The following NXPE2 variants were observed in gnomAD, a reference collection of about 807,000 sequenced individuals.
NXPE2 encodes neurexophilin and PC-esterase domain family member 2.
A neutral mutation model predicts 34.4 loss-of-function variants in NXPE2; 34 were observed. The observed-to-expected ratio is 0.99, with a 90% CI of 0.75 to 1.31. The LOEUF is 1.31. Ranked by LOEUF, NXPE2 falls within the 40% of genes most tolerant of loss-of-function variation. The probability of loss-of-function intolerance (pLI) is 0.00; values close to 1 mark genes in which losing one functional copy is unlikely to be tolerated. For missense variants in NXPE2, 649 were observed against 672.5 expected, an observed-to-expected ratio of 0.97 and a Z score of 0.39; for synonymous variants, 235 against 231.3, an observed-to-expected ratio of 1.02 and a Z score of -0.15.
At chr11:114,758,815 TTATATTTTCTATA>T in the NXPE2 span, among the ~76,000 whole-genome samples, 179 of 148,420 alleles carry the variant, frequency 1.2e-3, no homozygotes, top group African/African-American at 4.0e-3. Context: ...TATATATAAT[TTATATTTTCTATA>T]TATATTTTCT....
At chr11:114,690,575 G>C (rs1951131168) in intron 2 of NXPE2, among the ~76,000 whole-genome samples, 1 of 151,998 alleles carries the variant, frequency 6.6e-6, no homozygotes, top group African/African-American at 2.4e-5. Flanking sequence ...TGTGTGCCTT[G>C]GGGATGGGTT....
chr11:114,735,607 A>G, the NXPE2 span, among the ~76,000 whole-genome samples: 1 of 152,220 alleles, frequency 6.6e-6, no homozygotes, highest in African/African-American at 2.4e-5. Flanking sequence ...ATTAGGTGGT[A>G]TCGTCAGATA....
At chr11:114,607,185 G>C in the NXPE2 span, among the ~76,000 whole-genome samples, 2 of 151,824 alleles carry the variant, frequency 1.3e-5, no homozygotes, top group Non-Finnish European at 2.9e-5. Flanking sequence ...TGCATCGTGG[G>C]TGACAATTCT....
chr11:114,488,765 A>C, the NXPE2 span, among the ~76,000 whole-genome samples: 2 of 152,120 alleles, frequency 1.3e-5, no homozygotes, highest in African/African-American at 4.8e-5. Flanking sequence ...AGGAAAGATG[A>C]AAAATTGACA....
the NXPE2 span, chr11:114,580,350 T>C: frequency 1.2e-5 from 20 of 1,610,762 alleles, no homozygotes; most frequent in Non-Finnish European, 1.7e-5. Flanking sequence ...TGCCAAAGAA[T>C]CAATGAGATA....
chr11:114,696,298 A>G (rs1236124422), intron 2 of NXPE2, among the ~76,000 whole-genome samples: 5 of 149,268 alleles, frequency 3.3e-5, no homozygotes, highest in Non-Finnish European at 7.4e-5. Context: ...TGCCACTGCA[A>G]TCCAGCCTAG....
the NXPE2 span, among the ~76,000 whole-genome samples, chr11:114,738,012 G>A: frequency 3.9e-5 from 6 of 152,236 alleles, no homozygotes; most frequent in South Asian, 1.0e-3. Flanking sequence ...GCTTGAGCCC[G>A]GGGGGCGGAG....
the NXPE2 span, among the ~76,000 whole-genome samples, chr11:114,779,825 C>T: frequency 6.6e-6 from 1 of 152,146 alleles, no homozygotes. Context: ...CGACTTACTT[C>T]CCCTCCCTTC....
At position 114,698,381 on chromosome 11, in the gene NXPE2, A is replaced by G; in HGVS notation, c.469A>G (p.Thr157Ala). ...TTTCCTGAGGGCCAGGATGTACTCC[A>G]CAGCACTAATGGCAGGTGCTTCAGG... ...GDFLRARMYS[T>A]ALMAGASGKV... Residue 157 changes from threonine to alanine, a missense_variant, in exon 3 of 6, where the codon ACA (threonine) becomes GCA (alanine). By Grantham distance (58) the Thr-to-Ala change is moderately conservative. Transcript: ENST00000389586. 1.2e-6 allele frequency: 2 copies of G among 1,614,026 alleles called. No individual in the cohort carries two copies. The highest frequency in any genetic ancestry group is 1.7e-6 in the Non-Finnish European group (2 of 1,179,942).
At chr11:114,644,526 T>C in the NXPE2 span, among the ~76,000 whole-genome samples, 1 of 152,128 alleles carries the variant, frequency 6.6e-6, no homozygotes, top group Non-Finnish European at 1.5e-5. Flanking sequence ...AAAAATGTAA[T>C]AGAAAAATAT....
At chr11:114,579,499 A>G in the NXPE2 span, among the ~76,000 whole-genome samples, 1 of 152,224 alleles carries the variant, frequency 6.6e-6, no homozygotes, top group African/African-American at 2.4e-5. Flanking sequence ...TTAGACCCCA[A>G]GCCCATGCTT....
At chr11:114,542,615 A>G in the NXPE2 span, among the ~76,000 whole-genome samples, 2 of 152,256 alleles carry the variant, frequency 1.3e-5, no homozygotes, top group African/African-American at 4.8e-5. Flanking sequence ...CATTTGCCTT[A>G]TAGTTATTAA....
the NXPE2 span, among the ~76,000 whole-genome samples, chr11:114,721,009 C>G: frequency 1.3e-5 from 2 of 152,058 alleles, no homozygotes; most frequent in African/African-American, 4.8e-5. Flanking sequence ...ATTGGTTACC[C>G]TTACTCAAGC....
chr11:114,637,778 G>T, the NXPE2 span, among the ~76,000 whole-genome samples: 3 of 152,024 alleles, frequency 2.0e-5, no homozygotes, highest in East Asian at 5.8e-4. Context: ...CTTTAAGAAT[G>T]TTGAATATTG....
At chr11:114,577,355 C>T in the NXPE2 span, among the ~76,000 whole-genome samples, 4 of 151,502 alleles carry the variant, frequency 2.6e-5, no homozygotes, top group African/African-American at 4.9e-5. Flanking sequence ...GCTATGAGGA[C>T]GCAAAGGCTT....
the NXPE2 span, among the ~76,000 whole-genome samples, chr11:114,498,932 C>G: frequency 7.9e-5 from 12 of 152,038 alleles, no homozygotes; most frequent in East Asian, 2.3e-3. Flanking sequence ...ATCTTTTTCT[C>G]TGCTCTGGAA....
the NXPE2 span, among the ~76,000 whole-genome samples, chr11:114,655,347 T>C: frequency 6.6e-6 from 1 of 152,220 alleles, no homozygotes; most frequent in African/African-American, 2.4e-5. Flanking sequence ...CATTTGTCAA[T>C]TTTCACTTTT....
At chr11:114,532,178 G>A in the NXPE2 span, among the ~76,000 whole-genome samples, 1 of 152,144 alleles carries the variant, frequency 6.6e-6, no homozygotes, top group African/African-American at 2.4e-5. Flanking sequence ...TAACAAACTG[G>A]CAGAGTAAGC....
the NXPE2 span, among the ~76,000 whole-genome samples, chr11:114,604,567 G>C: frequency 6.6e-6 from 1 of 151,966 alleles, no homozygotes; most frequent in East Asian, 1.9e-4. Context: ...CTGTTACCTG[G>C]TGGATGATAA....
Sources: gnomAD v4.1 joint callset for allele counts (sites outside exome capture counted in the v4.1 genomes callset) on GRCh38, gnomAD v4.1.1 for gene constraint, MANE v1.5 for transcripts, NCBI Gene and HGNC (gene_info 2026-07-23, HGNC 2026-07-21) for gene names.